ZNF454: variants seen among roughly 807,000 people sequenced by gnomAD.
ZNF454 encodes zinc finger protein 454.
A neutral mutation model predicts 48.2 loss-of-function variants in ZNF454; 30 were observed. That is an observed-to-expected ratio of 0.62 (90% confidence interval 0.47 to 0.84). ZNF454 has a LOEUF of 0.84. Among genes scored for constraint, ZNF454 ranks in the 40% least tolerant of loss-of-function variants. The pLI, the probability that ZNF454 is intolerant of heterozygous loss-of-function variation, is 0.00. For synonymous variants in ZNF454, 204 were observed against 211.4 expected, an observed-to-expected ratio of 0.97 and a Z score of 0.30; for missense variants, 510 against 623.1, an observed-to-expected ratio of 0.82 and a Z score of 1.93.
the ZNF454 span, chr5:178,989,211 A>ACCCCCCCCCCCCCCCC: frequency 8.2e-6 from 1 of 121,730 alleles, no homozygotes; most frequent in Non-Finnish European, 1.3e-5. Flanking sequence ...CCCCCTCCCC[A>ACCCCCCCCCCCCCCCC]CCCTCACCAC....
the ZNF454 span, chr5:178,986,372 G>A: frequency 1.2e-6 from 2 of 1,614,098 alleles, no homozygotes; most frequent in African/African-American, 1.3e-5. Context: ...ATGCCGGTGA[G>A]GAGGACGTAG....
intron 4 of ZNF454, among the ~76,000 whole-genome samples, chr5:178,952,101 G>T (rs1021701363): frequency 6.6e-6 from 1 of 150,454 alleles, no homozygotes; most frequent in East Asian, 2.0e-4. Flanking sequence ...GCTGTGGCGC[G>T]ATCTCGGCTC....
chr5:178,978,154 AT>A, the ZNF454 span, among the ~76,000 whole-genome samples: 1 of 152,190 alleles, frequency 6.6e-6, no homozygotes, highest in Non-Finnish European at 1.5e-5. Context: ...TTAGTTTGGA[AT>A]TTTTCACGTT....
At chr5:178,957,471 A>G (rs1040293013) in intron 4 of ZNF454, among the ~76,000 whole-genome samples, 2 of 151,386 alleles carry the variant, frequency 1.3e-5, no homozygotes, top group African/African-American at 2.4e-5. Context: ...GTGCAGTGGC[A>G]CGATCTCGGC....
chr5:178,984,088 A>G, the ZNF454 span, among the ~76,000 whole-genome samples: 4 of 152,156 alleles, frequency 2.6e-5, no homozygotes, highest in African/African-American at 9.7e-5. Flanking sequence ...TGAACAAAGG[A>G]CCTTCCAAAT....
Position 178,946,969 on chromosome 5 carries a change from C to T in ZNF454, c.233C>T (p.Pro78Leu), listed in dbSNP as rs148134751. 4.9e-4 allele frequency: 783 copies of T among 1,614,052 alleles called. 5 individuals carry two copies. The highest frequency in any genetic ancestry group is 2.9e-3 in the South Asian group (268 of 91,072). Residue 78 changes from proline to leucine, a missense_variant, in exon 4 of 5, where the codon CCT becomes CTT. By Grantham distance (98) the Pro-to-Leu change is moderately conservative. Around this residue, in one of 3 missense-constraint regions of ZNF454, gnomAD observed 354 missense variants for 408.9 expected, o/e 0.87. Coordinates refer to ENST00000519564, the MANE Select transcript of ZNF454 (RefSeq NM_001178089.3). This position sits in a 1 kb window ranked among gnomAD's most constrained non-coding sequence, Gnocchi z 4.5. ...GAAGTGTGGATGCCAGAGGACACCC[C>T]TGGAGGCTTCTGTCTTGGTAAGAAT... Reference protein sequence around the residue: ...KREVWMPEDTPGGFCLDWMTM... With the variant: ...KREVWMPEDTLGGFCLDWMTM...
the ZNF454 span, chr5:178,986,088 G>A: frequency 2.5e-6 from 4 of 1,583,628 alleles, no homozygotes; most frequent in South Asian, 4.6e-5. Flanking sequence ...GTTGCGGACA[G>A]TCCCCCTCCC....
At chr5:178,981,640 C>T in the ZNF454 span, 49 of 1,597,158 alleles carry the variant, frequency 3.1e-5, no homozygotes, top group Middle Eastern at 1.7e-4. The surrounding 1 kb of genome is among the most constrained non-coding windows in gnomAD (Gnocchi z 5.1). Flanking sequence ...CAAGCAGTCC[C>T]GTTCCCACCT....
intron 2 of ZNF454, among the ~76,000 whole-genome samples, chr5:178,945,379 CTGTG>C (rs771432291): frequency 1.5e-5 from 2 of 136,662 alleles, no homozygotes; most frequent in Admixed American, 7.4e-5. Context: ...GTCTCTGTGT[CTGTG>C]TGTGAGTTTA....
chr5:178,974,351 G>A, the ZNF454 span, among the ~76,000 whole-genome samples: 9 of 152,016 alleles, frequency 5.9e-5, no homozygotes, highest in South Asian at 2.1e-4. Context: ...ATGGAGTCTC[G>A]CTGTGTCGCC....
downstream of ZNF454, among the ~76,000 whole-genome samples, chr5:178,967,019 C>A (rs773878245): frequency 2.5e-4 from 38 of 152,178 alleles, no homozygotes; most frequent in Non-Finnish European, 4.4e-4. Context: ...ACACCCAAAT[C>A]CAGCCTTCAG....
rs1288403477 is a variant in ZNF454 at position 178,965,205 on chromosome 5, T to C, written c.801T>C (p.Thr267=). The C allele has an allele frequency of 3.1e-6, 5 of 1,614,102 alleles. No homozygotes were observed. The South Asian group carries it at 3.3e-5, about 11-fold the overall frequency. The part of the protein sequence containing the change: ...SSLTYHQKIH[T]GEKPFECNLC... ...TTACGTACCATCAGAAAATTCATAC[T>C]GGAGAGAAGCCTTTTGAATGCAACT... The change falls in exon 5 of 5, where the codon ACT becomes ACC. Residue 267 remains threonine (T), a synonymous_variant. Transcript: ENST00000519564. The surrounding 1 kb of genome is among the most constrained non-coding windows in gnomAD (Gnocchi z 5.2).
chr5:178,989,481 G>A, the ZNF454 span: 20 of 1,587,130 alleles, frequency 1.3e-5, no homozygotes, highest in Non-Finnish European at 1.6e-5. Flanking sequence ...TCTGCCACTT[G>A]CTCACTTTCA....
At chr5:178,986,725 G>A in the ZNF454 span, 2 of 1,605,312 alleles carry the variant, frequency 1.2e-6, no homozygotes, top group East Asian at 2.2e-5. Context: ...CACCTCGTGG[G>A]GGTCGCCAGA....
downstream of ZNF454, among the ~76,000 whole-genome samples, chr5:178,969,134 A>C (rs1314005943): frequency 6.6e-6 from 1 of 152,164 alleles, no homozygotes; most frequent in African/African-American, 2.4e-5. Flanking sequence ...ACTGTATTAC[A>C]CTGTAGGATG....
the ZNF454 span, chr5:178,989,862 G>C: frequency 3.6e-6 from 1 of 279,202 alleles, no homozygotes; most frequent in South Asian, 4.0e-5. Flanking sequence ...GGAATGGACA[G>C]AGCCCAGGGC....
At chr5:178,983,045 C>A in the ZNF454 span, 2 of 1,614,054 alleles carry the variant, frequency 1.2e-6, no homozygotes, top group Non-Finnish European at 1.7e-6. Context: ...TGATGGCGTA[C>A]ACTGTGCACG....
At chr5:178,977,313 A>G in the ZNF454 span, 1 of 429,994 alleles carries the variant, frequency 2.3e-6, no homozygotes, top group Non-Finnish European at 4.7e-6. Context: ...TAGAGCCCTT[A>G]TAAAAGAGAC....
chr5:178,977,558 T>C, the ZNF454 span: 9 of 211,730 alleles, frequency 4.3e-5, no homozygotes, highest in African/African-American at 2.1e-4. Context: ...CTTAAAATTT[T>C]CAAATTCAGT....
Sources: gnomAD v4.1 joint callset for allele counts (sites outside exome capture counted in the v4.1 genomes callset) on GRCh38, gnomAD v4.1.1 for gene constraint, gnomAD v4.1.1 regional missense constraint, Gnocchi (gnomAD v3.1) non-coding constraint, MANE v1.5 for transcripts, NCBI Gene and HGNC (gene_info 2026-07-23, HGNC 2026-07-21) for gene names.